The following TAF3 variants were observed in gnomAD, a reference collection of about 807,000 sequenced individuals.
TAF3 encodes the protein transcription initiation factor TFIID subunit 3.
In TAF3, 7 loss-of-function variants were observed where a neutral mutation model predicts 80.6. That is an observed-to-expected ratio of 0.09 (90% CI 0.05 to 0.16). The LOEUF (loss-of-function observed/expected upper bound fraction) is 0.16. Ranked by LOEUF, TAF3 falls within the 10% of genes least tolerant of loss-of-function variation. TAF3 has a pLI of 1.00. For synonymous variants in TAF3, 444 were observed against 446.1 expected (o/e 1.00, Z 0.06); for missense variants, 921 against 1,140.2 (o/e 0.81, Z 2.77).
chr10:7,852,656 A>G (rs982006133), intron 2 of TAF3, among the ~76,000 whole-genome samples: 3 of 152,240 alleles, frequency 2.0e-5, no homozygotes, highest in African/African-American at 7.2e-5. Flanking sequence ...CAGAGTACAC[A>G]TAATATCAAC....
At position 7,831,387 on chromosome 10, in the gene TAF3, C is replaced by T. The variant is rs547646727; in HGVS notation, c.409+6827C>T. Among the ~76,000 whole-genome samples, 12 of 152,128 alleles carry T rather than the reference C, an allele frequency of 7.9e-5. No individual in the cohort carries two copies. In the South Asian group the frequency reaches 1.2e-3, roughly 16 times the overall value. The stretch of plus-strand genomic sequence containing the variant: ...TTGAGATGGAGTCTCACTCCATCGC[C>T]GAGGCTGGAGTGCAGTGGCTCAATC... On this transcript the variant is annotated intron_variant, in intron 2 of 6. Coordinates refer to ENST00000344293, the MANE Select transcript of TAF3 (RefSeq NM_031923.4).
intron 2 of TAF3, among the ~76,000 whole-genome samples, chr10:7,831,067 G>A (rs193268965): frequency 6.6e-6 from 1 of 152,268 alleles, no homozygotes; most frequent in African/African-American, 2.4e-5. Flanking sequence ...TAATTCATTA[G>A]GGGTTACAAA....
chr10:7,918,834 A>T (rs1035971684), intron 2 of TAF3, among the ~76,000 whole-genome samples: 5 of 152,240 alleles, frequency 3.3e-5, no homozygotes, highest in Non-Finnish European at 5.9e-5. Flanking sequence ...TAACCCTTTC[A>T]TTCCAAGATG....
At chr10:7,977,530 T>C (rs1389750005) in intron 4 of TAF3, among the ~76,000 whole-genome samples, 1 of 152,244 alleles carries the variant, frequency 6.6e-6, no homozygotes, top group Admixed American at 6.5e-5. Flanking sequence ...AAGGATTTTT[T>C]TTTTCTTGTT....
At chr10:7,972,730 A>G (rs1831632661) in intron 3 of TAF3, among the ~76,000 whole-genome samples, 1 of 152,224 alleles carries the variant, frequency 6.6e-6, no homozygotes, top group Non-Finnish European at 1.5e-5. Flanking sequence ...GATAATAAAC[A>G]GACCATTTCT....
chr10:7,853,435 A>G (rs1320357000), intron 2 of TAF3, among the ~76,000 whole-genome samples: 1 of 152,208 alleles, frequency 6.6e-6, no homozygotes, highest in African/African-American at 2.4e-5. Context: ...TTTATTGTCT[A>G]GACGTCAGGA....
intron 2 of TAF3, among the ~76,000 whole-genome samples, chr10:7,923,649 AT>A (rs1435021075): frequency 1.3e-5 from 2 of 151,674 alleles, no homozygotes; most frequent in African/African-American, 4.8e-5. Context: ...TTCATCCTGT[AT>A]TCAATAGAGT....
chr10:7,899,263 G>A (rs1443698010), intron 2 of TAF3, among the ~76,000 whole-genome samples: 1 of 152,090 alleles, frequency 6.6e-6, no homozygotes, highest in Non-Finnish European at 1.5e-5. Flanking sequence ...ATCTGTTCCT[G>A]CCTCCTTCCC....
In TAF3 at chr10:7,844,795, CT is replaced by C. The variant is rs540227590; in HGVS notation, c.409+20243del. ...TTTATTCAGCATTATTTATGTTCTG[CT>C]TTTTTTTAACGTATCATTTGTTATG... is the stretch of plus-strand genomic sequence containing the variant. On this transcript the variant is annotated intron_variant, in intron 2 of 6. Transcript: ENST00000344293. Among the ~76,000 whole-genome samples the C allele has an allele frequency of 4.4e-3, 662 of 151,780 alleles. 3 individuals carry two copies. The highest frequency in any genetic ancestry group is 5.1e-3 in the Non-Finnish European group (344 of 67,914).
intron 4 of TAF3, among the ~76,000 whole-genome samples, chr10:7,986,810 A>C (rs1244345474): frequency 2.0e-5 from 3 of 152,192 alleles, no homozygotes; most frequent in African/African-American, 7.2e-5. Flanking sequence ...CAGGGGAAAA[A>C]AGGATATGTA....
In TAF3 at chr10:7,865,626, C is replaced by T. The variant is rs188687024; in HGVS notation, c.409+41066C>T. The stretch of plus-strand genomic sequence containing the variant: ...TGCGTGTCGCTGGCTTTAGCAGCCC[C>T]GGCAGGGTGGATGCAGCCACGTGCA... On this transcript the variant is annotated intron_variant, in intron 2 of 6. Transcript: ENST00000344293. Among the ~76,000 whole-genome samples the T allele has an allele frequency of 5.1e-3, 780 of 152,294 alleles. 12 individuals are homozygous for T. Among genetic ancestry groups the T allele is most frequent in the African/African-American group, 0.018 (751 of 41,564 alleles).
At chr10:7,998,581 T>A (rs1588344978) in intron 4 of TAF3, among the ~76,000 whole-genome samples, 1 of 151,866 alleles carries the variant, frequency 6.6e-6, no homozygotes, top group Non-Finnish European at 1.5e-5. Context: ...GGCATGGTGG[T>A]TCACACCTGT....
intron 2 of TAF3, among the ~76,000 whole-genome samples, chr10:7,963,718 T>G (rs1169140063): frequency 6.6e-6 from 1 of 151,868 alleles, no homozygotes; most frequent in African/African-American, 2.4e-5. Flanking sequence ...AAATGATGAG[T>G]TGATGGGTGC....
At chr10:7,829,079 G>T (rs866305490) in intron 2 of TAF3, among the ~76,000 whole-genome samples, 21 of 144,928 alleles carry the variant, frequency 1.4e-4, no homozygotes, top group South Asian at 2.2e-4. Flanking sequence ...CATGTACCCT[G>T]ACTTATTGCA....
chr10:7,887,462 G>A (rs990073821), intron 2 of TAF3, among the ~76,000 whole-genome samples: 1 of 152,106 alleles, frequency 6.6e-6, no homozygotes, highest in Non-Finnish European at 1.5e-5. Context: ...GACTCCGGAT[G>A]TAGCTCTTCT....
At chr10:7,923,582 C>CA (rs139803422) in intron 2 of TAF3, among the ~76,000 whole-genome samples, 3,981 of 135,174 alleles carry the variant, frequency 0.029, 139 homozygotes, top group African/African-American at 0.08. Flanking sequence ...TGCTGTATAG[C>CA]AAAAAAACAA....
At chr10:7,890,410 A>G (rs944263929) in intron 2 of TAF3, among the ~76,000 whole-genome samples, 2 of 152,240 alleles carry the variant, frequency 1.3e-5, no homozygotes, top group African/African-American at 4.8e-5. Flanking sequence ...ACGTTCCATC[A>G]TAGTAGAGTA....
chr10:8,013,972 T>C, intron 6 of TAF3, 135 bp downstream of exon 6: 1 of 678,010 alleles, frequency 1.5e-6, no homozygotes, highest in Non-Finnish European at 2.6e-6. Context: ...TGGAGTCAAA[T>C]CACTGAGCCT....
chr10:7,822,500 C>A (rs1031573902), intron 1 of TAF3, among the ~76,000 whole-genome samples: 1 of 148,972 alleles, frequency 6.7e-6, no homozygotes, highest in African/African-American at 2.5e-5. Flanking sequence ...AAAAAAAAAT[C>A]AAAGACTGCA....
Sources: gnomAD v4.1 joint callset for allele counts (sites outside exome capture counted in the v4.1 genomes callset) on GRCh38, gnomAD v4.1.1 for gene constraint, MANE v1.5 for transcripts, NCBI Gene and HGNC (gene_info 2026-07-23, HGNC 2026-07-21) for gene names.